RANBP2: variants seen among roughly 807,000 people sequenced by gnomAD.
The protein encoded by RANBP2 is RAN binding protein 2.
RANBP2 carries 57 observed loss-of-function variants against 303.6 expected under a neutral mutation model. The observed-to-expected ratio is 0.19, with a 90% CI of 0.15 to 0.23. The LOEUF (loss-of-function observed/expected upper bound fraction) is 0.23, where lower values mean the gene tolerates loss of function less well. Ranked by LOEUF, RANBP2 falls within the 10% of genes least tolerant of loss-of-function variation. The pLI is 1.00. For synonymous variants in RANBP2, 1,167 were observed against 1,301.5 expected (o/e 0.90, Z 2.23); for missense variants, 3,138 against 3,780.8 (o/e 0.83, Z 4.46).
chr2:108,787,360 CT>C, downstream of RANBP2, among the ~76,000 whole-genome samples: 1 of 152,352 alleles, frequency 6.6e-6, no homozygotes, highest in South Asian at 2.1e-4. Context: ...CATTCGTTCT[CT>C]CCCCTTCCCT....
the RANBP2 span, among the ~76,000 whole-genome samples, chr2:109,428,981 C>G: frequency 1.9e-4 from 29 of 152,316 alleles, no homozygotes; most frequent in Middle Eastern, 0.01. Context: ...GGACGCCATC[C>G]AGCTCAGCCA....
the RANBP2 span, among the ~76,000 whole-genome samples, chr2:109,109,570 TTTAA>T: frequency 2.0e-5 from 3 of 152,346 alleles, no homozygotes; most frequent in Middle Eastern, 6.8e-3. Context: ...GTATTGCAAG[TTTAA>T]TTAAATTGCT....
At chr2:109,223,773 TAGTCTCTGCTCCTGGCACATGAA>T in the RANBP2 span, among the ~76,000 whole-genome samples, 1 of 152,192 alleles carries the variant, frequency 6.6e-6, no homozygotes, top group Admixed American at 6.5e-5. Flanking sequence ...CCATCCCTGC[TAGTCTCTGCTCCTGGCACATGAA>T]AGTGTTCAAT....
At chr2:108,772,828 T>G (rs912388526) in intron 22 of RANBP2, 40 bp from the exon 23 acceptor site, 1 of 1,597,926 alleles carries the variant, frequency 6.3e-7, no homozygotes, top group African/African-American at 1.3e-5. Context: ...AAGTTGGGCT[T>G]CATCTAATTT....
the RANBP2 span, among the ~76,000 whole-genome samples, chr2:109,042,898 A>G: frequency 6.6e-6 from 1 of 152,246 alleles, no homozygotes; most frequent in Non-Finnish European, 1.5e-5. Context: ...TGTATGTAAT[A>G]ACTACACACA....
chr2:109,096,418 A>C, the RANBP2 span, among the ~76,000 whole-genome samples: 1 of 152,220 alleles, frequency 6.6e-6, no homozygotes, highest in African/African-American at 2.4e-5. Context: ...GAAGTAACAA[A>C]TTTCCTTGTC....
At chr2:109,628,002 T>G in the RANBP2 span, among the ~76,000 whole-genome samples, 1 of 151,912 alleles carries the variant, frequency 6.6e-6, no homozygotes, top group East Asian at 1.9e-4. Context: ...CTTGAGAGGG[T>G]GCGTATCTGT....
chr2:109,470,641 T>C, the RANBP2 span, among the ~76,000 whole-genome samples: 1 of 152,178 alleles, frequency 6.6e-6, no homozygotes, highest in Non-Finnish European at 1.5e-5. Flanking sequence ...GCTCTGACAG[T>C]GCCACGCATG....
the RANBP2 span, among the ~76,000 whole-genome samples, chr2:108,868,133 A>G: frequency 1.3e-5 from 2 of 152,226 alleles, no homozygotes; most frequent in Non-Finnish European, 2.9e-5. Context: ...TATAACCGCT[A>G]TAGGAAATGT....
At chr2:108,805,738 T>A in the RANBP2 span, among the ~76,000 whole-genome samples, 19 of 151,512 alleles carry the variant, frequency 1.3e-4, no homozygotes, top group Admixed American at 1.2e-3. Context: ...AAAAAAAAAA[T>A]TGTAATTTAG....
At chr2:109,314,354 G>T in the RANBP2 span, among the ~76,000 whole-genome samples, 1 of 152,160 alleles carries the variant, frequency 6.6e-6, no homozygotes, top group Non-Finnish European at 1.5e-5. Context: ...CCAGAAAATG[G>T]CTCCGTTGAA....
the RANBP2 span, among the ~76,000 whole-genome samples, chr2:109,086,283 G>A: frequency 1.1e-3 from 162 of 152,150 alleles, 1 homozygote; most frequent in African/African-American, 3.5e-3. Flanking sequence ...GGAGGGGGGC[G>A]GTCATTGTAA....
chr2:109,461,637 G>A, the RANBP2 span, among the ~76,000 whole-genome samples: 310 of 82,172 alleles, frequency 3.8e-3, no homozygotes, highest in African/African-American at 4.7e-3. Flanking sequence ...CCACCTGCCA[G>A]AGGCCCCACG....
At chr2:108,998,923 C>G in the RANBP2 span, among the ~76,000 whole-genome samples, 10 of 152,336 alleles carry the variant, frequency 6.6e-5, no homozygotes, top group East Asian at 1.9e-3. Flanking sequence ...GAGCCTGGTT[C>G]CCTGCTAGCC....
At chr2:109,573,225 AG>A in the RANBP2 span, among the ~76,000 whole-genome samples, 2 of 152,182 alleles carry the variant, frequency 1.3e-5, no homozygotes, top group African/African-American at 2.4e-5. Flanking sequence ...TGAGGCTCAG[AG>A]GGCTAAAGAA....
the RANBP2 span, among the ~76,000 whole-genome samples, chr2:109,288,740 G>T: frequency 1.3e-5 from 2 of 152,200 alleles, no homozygotes; most frequent in African/African-American, 4.8e-5. Flanking sequence ...ATGGGTAAAA[G>T]TTGTCATGAT....
At chr2:109,225,561 A>T in the RANBP2 span, among the ~76,000 whole-genome samples, 1 of 152,198 alleles carries the variant, frequency 6.6e-6, no homozygotes, top group African/African-American at 2.4e-5. Flanking sequence ...CCAGGGAATG[A>T]TTTTTAATGT....
At chr2:108,722,271 A>G (rs1481102031) in intron 1 of RANBP2, among the ~76,000 whole-genome samples, 1 of 151,994 alleles carries the variant, frequency 6.6e-6, no homozygotes, top group Non-Finnish European at 1.5e-5. Flanking sequence ...TTTTCCCCCA[A>G]ATTTAAAGTC....
chr2:109,545,790 C>G, the RANBP2 span: 1 of 1,426,902 alleles, frequency 7.0e-7, no homozygotes, highest in South Asian at 1.6e-5. Flanking sequence ...ATCCTTTTCA[C>G]ACTGTGATGT....
Sources: gnomAD v4.1 joint callset for allele counts (sites outside exome capture counted in the v4.1 genomes callset) on GRCh38, gnomAD v4.1.1 for gene constraint, MANE v1.5 for transcripts, NCBI Gene and HGNC (gene_info 2026-07-23, HGNC 2026-07-21) for gene names.